FBXO34: variants seen among roughly 807,000 people sequenced by gnomAD.
The protein encoded by FBXO34 is F-box only protein 34.
A neutral mutation model predicts 24.5 loss-of-function variants in FBXO34; 12 were observed. The observed-to-expected ratio is 0.49, with a 90% confidence interval of 0.31 to 0.79. The LOEUF (loss-of-function observed/expected upper bound fraction) is 0.79. Among genes scored for constraint, FBXO34 ranks in the 30% least tolerant of loss-of-function variants. The pLI is 0.04. For missense variants in FBXO34, 823 were observed against 857.7 expected, an observed-to-expected ratio of 0.96 and a Z score of 0.51; for synonymous variants, 320 against 311.9, an observed-to-expected ratio of 1.03 and a Z score of -0.27.
At chr14:55,303,261 A>G (rs923860354) in intron 1 of FBXO34, among the ~76,000 whole-genome samples, 1 of 152,222 alleles carries the variant, frequency 6.6e-6, no homozygotes, top group Non-Finnish European at 1.5e-5. Context: ...CTTTGAACAA[A>G]GTAGACAGAG....
chr14:55,319,021 G>A (rs922198815), intron 1 of FBXO34, among the ~76,000 whole-genome samples: 1 of 152,132 alleles, frequency 6.6e-6, no homozygotes, highest in African/African-American at 2.4e-5. Context: ...TTTGTTGATG[G>A]TTTTGTTGTT....
chr14:55,306,436 C>T (rs941220870), intron 1 of FBXO34, among the ~76,000 whole-genome samples: 2 of 152,158 alleles, frequency 1.3e-5, no homozygotes, highest in African/African-American at 4.8e-5. Flanking sequence ...TTCTACACAG[C>T]GTCATTTTGA....
At chr14:55,332,080 ATAAATATATATATATATT>A (rs940498562) in intron 1 of FBXO34, among the ~76,000 whole-genome samples, 13 of 95,452 alleles carry the variant, frequency 1.4e-4, no homozygotes, top group Admixed American at 4.5e-4. Flanking sequence ...GGTGGTATGT[ATAAATATATATATATATT>A]TAAATATATA....
chr14:55,428,899 G>A, the FBXO34 span: 4,828 of 1,614,068 alleles, frequency 3.0e-3, 33 homozygotes, highest in Middle Eastern at 0.02. Context: ...TTTTAAAATC[G>A]AGGAATCTGG....
At position 55,351,512 on chromosome 14, in the gene FBXO34, C is replaced by A; in HGVS notation, c.1122C>A (p.Pro374=). The A allele has an allele frequency of 6.2e-7, 1 of 1,614,134 alleles. No homozygotes were observed. The highest frequency in any genetic ancestry group is 8.5e-7 in the Non-Finnish European group (1 of 1,180,024). ...GGGACGGTGCTTCTCAGGACTGCCC[C>A]CCATTGCCAGCAGGAGTGAGTTTCC... ...QAWDGASQDC[P]PLPAGVSFHI... The change falls in exon 2 of 2, where the codon CCC becomes CCA. Residue 374 remains proline, a synonymous_variant. Transcript: ENST00000313833.
At chr14:55,349,103 C>T (rs191808590) in intron 1 of FBXO34, among the ~76,000 whole-genome samples, 1 of 152,202 alleles carries the variant, frequency 6.6e-6, no homozygotes, top group East Asian at 1.9e-4. Context: ...CTAGAAAACA[C>T]TCTTTCCTCA....
At chr14:55,322,438 T>A (rs1202963711) in intron 1 of FBXO34, among the ~76,000 whole-genome samples, 1 of 152,176 alleles carries the variant, frequency 6.6e-6, no homozygotes, top group Non-Finnish European at 1.5e-5. Flanking sequence ...TAAAGTATTG[T>A]CTCTCTCCTC....
the FBXO34 span, chr14:55,424,274 A>ACGC: frequency 6.6e-7 from 1 of 1,520,082 alleles, no homozygotes; most frequent in South Asian, 1.1e-5. Context: ...GTAAAAGGAA[A>ACGC]ATGTTAAAAA....
chr14:55,352,594 A>G lies in FBXO34; in HGVS notation c.*68A>G, dbSNP rs1349989757. ...CAAAACACCTAGATACACCGTTCAA[A>G]TGAGCGTAGCCCCCTGAGTCATCAC... On this transcript the variant is annotated 3_prime_UTR_variant, in exon 2 of 2. Coordinates refer to ENST00000313833, the MANE Select transcript of FBXO34 (RefSeq NM_017943.4). 5 of 1,298,540 alleles carry G rather than the reference A, an allele frequency of 3.9e-6. No individual in the cohort carries two copies. In the African/African-American group the frequency reaches 7.4e-5, roughly 19 times the overall value. 80.4% of individuals were successfully genotyped at this position (1,298,540 alleles called of 1,614,324 possible). A position where few individuals can be genotyped will look rare whatever the true frequency, so the allele number is the denominator to read the frequency against.
chr14:55,425,391 T>C, the FBXO34 span, among the ~76,000 whole-genome samples: 2 of 152,216 alleles, frequency 1.3e-5, no homozygotes, highest in African/African-American at 4.8e-5. Context: ...TTCCATTTGA[T>C]CTTCCAGCTA....
the FBXO34 span, chr14:55,397,279 A>G: frequency 9.4e-7 from 1 of 1,067,252 alleles, no homozygotes; most frequent in Non-Finnish European, 1.4e-6. Flanking sequence ...TCAGTAAGTT[A>G]GCAATCCGTA....
intron 1 of FBXO34, chr14:55,282,273 C>T: frequency 2.5e-6 from 1 of 396,578 alleles, no homozygotes; most frequent in South Asian, 1.9e-5. Context: ...GATTACAGGC[C>T]TGAGCCACCG....
At chr14:55,279,438 A>T (rs760648097) in intron 1 of FBXO34, among the ~76,000 whole-genome samples, 1 of 152,348 alleles carries the variant, frequency 6.6e-6, no homozygotes. Flanking sequence ...AAATGAACAG[A>T]TATTGCTAAT....
the FBXO34 span, among the ~76,000 whole-genome samples, chr14:55,432,837 A>G: frequency 1.3e-5 from 2 of 152,194 alleles, no homozygotes; most frequent in African/African-American, 4.8e-5. Context: ...AAGAATACCC[A>G]TCAACACAGG....
intron 1 of FBXO34, among the ~76,000 whole-genome samples, chr14:55,319,342 G>A (rs1016314022): frequency 6.6e-6 from 1 of 152,140 alleles, no homozygotes; most frequent in Non-Finnish European, 1.5e-5. Flanking sequence ...TGTGAAGATG[G>A]TAATTATTTT....
rs145987478 is a variant in FBXO34 at position 55,351,383 on chromosome 14, C to A, written c.993C>A (p.Gly331=). 8.1e-6 allele frequency: 13 copies of A among 1,614,054 alleles called. No individual in the cohort carries two copies. The highest frequency in any genetic ancestry group is 1.6e-4 in the Middle Eastern group (1 of 6,084). Residue 331 remains glycine (G), a synonymous_variant, in exon 2 of 2, where the codon GGC becomes GGA. Transcript: ENST00000313833. ...CTGATGAAGGCAAAACAAAGAAAGG[C>A]GTCTTGGAGGCACCTGACACTCAGG... The part of the protein sequence containing the change: ...TQADEGKTKK[G]VLEAPDTQVN...
intron 1 of FBXO34, chr14:55,282,514 G>A (rs1178824962): frequency 8.5e-6 from 2 of 236,068 alleles, no homozygotes; most frequent in East Asian, 1.9e-4. Context: ...CATGCCACAT[G>A]CCAATCTTGT....
At chr14:55,368,223 A>G (rs1594773701), downstream of FBXO34, 1 of 152,162 alleles carries the variant, frequency 6.6e-6, no homozygotes, top group Non-Finnish European at 1.5e-5. Flanking sequence ...GCTGAGGGAA[A>G]TTCTTTTTTT....
chr14:55,405,329 C>T, the FBXO34 span, among the ~76,000 whole-genome samples: 1 of 152,184 alleles, frequency 6.6e-6, no homozygotes, highest in African/African-American at 2.4e-5. Context: ...ATTTAAATTT[C>T]TTCCTCATCC....
Sources: gnomAD v4.1 joint callset for allele counts (sites outside exome capture counted in the v4.1 genomes callset) on GRCh38, gnomAD v4.1.1 for gene constraint, MANE v1.5 for transcripts, NCBI Gene and HGNC (gene_info 2026-07-23, HGNC 2026-07-21) for gene names.